Variants in FGF14 observed in about 807,000 individuals in gnomAD.
The protein encoded by FGF14 is fibroblast growth factor homologous factor 4.
Under a neutral mutation model 25.5 loss-of-function variants are expected in FGF14, and 5 were observed. That is an observed-to-expected ratio of 0.20 (90% CI 0.10 to 0.41). The LOEUF is 0.41. Among genes scored for constraint, FGF14 ranks in the 10% least tolerant of loss-of-function variants. The probability of loss-of-function intolerance (pLI) is 1.00; values close to 1 mark genes in which losing one functional copy is unlikely to be tolerated. For missense variants in FGF14, 222 were observed against 320.1 expected (o/e 0.69, Z 2.34); for synonymous variants, 138 against 118.3 (o/e 1.17, Z -1.08).
At chr13:102,151,662 C>T (rs1323970442) in intron 1 of FGF14, among the ~76,000 whole-genome samples, 1 of 151,992 alleles carries the variant, frequency 6.6e-6, no homozygotes, top group Admixed American at 6.6e-5. Context: ...CCATGCCCGG[C>T]TAATTTTTTG....
chr13:101,831,803 T>C (rs1484535002), intron 3 of FGF14, among the ~76,000 whole-genome samples: 1 of 152,036 alleles, frequency 6.6e-6, no homozygotes, highest in Non-Finnish European at 1.5e-5. Context: ...CAAGCTCAAA[T>C]AGGCACAACT....
chr13:102,238,829 C>T (rs987761007), intron 1 of FGF14, among the ~76,000 whole-genome samples: 1 of 152,194 alleles, frequency 6.6e-6, no homozygotes, highest in African/African-American at 2.4e-5. Context: ...TTTTCCCTTA[C>T]CTCTTGCTCA....
At chr13:101,919,584 C>T (rs892785810), upstream of FGF14, among the ~76,000 whole-genome samples, 13 of 151,882 alleles carry the variant, frequency 8.6e-5, no homozygotes, top group African/African-American at 2.9e-4. Context: ...AGAGCCCTCC[C>T]TTCGTTGTTC....
rs2034626560 is a variant in FGF14, at chr13:101,714,520, C to A, written c.*8311G>T. ...AGTTCTGTGACTGTGATGACAGAGA[C>A]TGCGACAAACATGATGGTCTCATTT... On this transcript the variant is annotated 3_prime_UTR_variant, in exon 5 of 5. Coordinates refer to ENST00000376143, the MANE Select transcript of FGF14 (RefSeq NM_004115.4). The A allele has an allele frequency of 1.9e-6, 3 of 1,608,980 alleles. No homozygotes were observed. Among genetic ancestry groups the A allele is most frequent in the Non-Finnish European group, 2.6e-6 (3 of 1,175,378 alleles).
intron 3 of FGF14, among the ~76,000 whole-genome samples, chr13:101,865,940 T>A (rs1356021234): frequency 6.6e-6 from 1 of 152,114 alleles, no homozygotes; most frequent in Non-Finnish European, 1.5e-5. Flanking sequence ...TCCATTAACT[T>A]CTTTCTTTAA....
Position 101,858,947 on chromosome 13 carries a change from C to G in FGF14, c.408+9778G>C, listed in dbSNP as rs929140458. 1.4e-4 allele frequency among the ~76,000 whole-genome samples: 22 copies of G among 152,078 alleles called. 1 individual carries two copies. The highest frequency in any genetic ancestry group is 2.6e-4 in the Admixed American group (4 of 15,228). On this transcript the variant is annotated intron_variant, in intron 3 of 4. Transcript: ENST00000376143. ...TTAAGTTAAAGACGACATTACCACTCACTTCATTAATGCAAATATGGCCAT... is the reference window on the plus strand; with the variant it reads ...TTAAGTTAAAGACGACATTACCACTGACTTCATTAATGCAAATATGGCCAT...
intron 1 of FGF14, among the ~76,000 whole-genome samples, chr13:102,005,703 A>G (rs962027756): frequency 1.3e-5 from 2 of 152,234 alleles, no homozygotes; most frequent in Non-Finnish European, 2.9e-5. Flanking sequence ...TTATAAAACT[A>G]GCTAGTAAAA....
intron 1 of FGF14, among the ~76,000 whole-genome samples, chr13:102,285,425 G>A (rs552057232): frequency 6.6e-6 from 1 of 152,264 alleles, no homozygotes; most frequent in South Asian, 2.1e-4. Flanking sequence ...CTGACAGTTG[G>A]TGGGGTAAAT....
chr13:102,180,918 C>T (rs960149595), intron 1 of FGF14, among the ~76,000 whole-genome samples: 4 of 152,088 alleles, frequency 2.6e-5, no homozygotes. Context: ...TGTATTCCAG[C>T]CCAACTGGGA....
intron 1 of FGF14, among the ~76,000 whole-genome samples, chr13:102,313,413 G>A (rs1395133184): frequency 2.0e-5 from 3 of 152,296 alleles, no homozygotes; most frequent in Admixed American, 2.0e-4. Flanking sequence ...GGAGTTGTTT[G>A]TTGGAGCCAG....
rs562627436 is a variant in FGF14, at chr13:102,384,915, G to A, written c.208+16556C>T. The stretch of plus-strand genomic sequence containing the variant: ...AATAAACAAAAAATAATGCAGGACA[G>A]CACCTACACCAGAGATTTTCACCTT... On this transcript the variant is annotated intron_variant, in intron 1 of 4. Coordinates refer to the FGF14 transcript ENST00000376131. 6.6e-5 allele frequency among the ~76,000 whole-genome samples: 10 copies of A among 152,224 alleles called. No individual in the cohort carries two copies. The East Asian group carries it at 1.9e-3, about 29-fold the overall frequency.
At chr13:101,932,578 C>T (rs567609942) in intron 1 of FGF14, among the ~76,000 whole-genome samples, 13 of 144,948 alleles carry the variant, frequency 9.0e-5, no homozygotes, top group Non-Finnish European at 1.7e-4. Context: ...ACATAAAACT[C>T]GATAATAAAA....
chr13:102,281,965 T>C (rs1037002697), intron 1 of FGF14, among the ~76,000 whole-genome samples: 4 of 152,110 alleles, frequency 2.6e-5, no homozygotes, highest in Non-Finnish European at 4.4e-5. Flanking sequence ...ATGTCCGTAC[T>C]GCAAATGCAG....
In FGF14 at chr13:101,710,934, G is replaced by A. The variant is rs1057105815; in HGVS notation, c.*11897C>T. 6 of 152,200 alleles carry A rather than the reference G, an allele frequency of 3.9e-5. No individual in the cohort carries two copies. Among genetic ancestry groups the A allele is most frequent in the African/African-American group, 1.4e-4 (6 of 41,458 alleles). The allele number at this position is 152,200 out of a possible 1,614,324, so 9.4% of individuals were successfully genotyped here. A position where few individuals can be genotyped will look rare whatever the true frequency, so the allele number is the denominator to read the frequency against. ...CAGATGGAGTAGTTAGTACAATAGT[G>A]AAAACTGCCTGCTGGGATGTCAGGT... On this transcript the variant is annotated 3_prime_UTR_variant, in exon 5 of 5. Coordinates refer to ENST00000376143, the MANE Select transcript of FGF14 (RefSeq NM_004115.4).
chr13:101,916,290 A>G (rs2033475097), intron 1 of FGF14, among the ~76,000 whole-genome samples, 163 bp downstream of exon 1: 1 of 152,218 alleles, frequency 6.6e-6, no homozygotes, highest in Non-Finnish European at 1.5e-5. Context: ...GTTGCCCGAC[A>G]GCGGACTCCA....
chr13:102,288,585 T>A (rs961350793), intron 1 of FGF14, among the ~76,000 whole-genome samples: 2 of 151,934 alleles, frequency 1.3e-5, no homozygotes, highest in East Asian at 3.9e-4. Flanking sequence ...TATTTAAAAT[T>A]TTTTTATTTT....
At chr13:102,139,646 G>C (rs919776096) in intron 1 of FGF14, among the ~76,000 whole-genome samples, 5 of 152,044 alleles carry the variant, frequency 3.3e-5, no homozygotes, top group African/African-American at 1.2e-4. Flanking sequence ...GGAAGGAGAG[G>C]GACTTAGAAT....
At chr13:102,274,259 C>T (rs1308778008) in intron 1 of FGF14, among the ~76,000 whole-genome samples, 1 of 152,198 alleles carries the variant, frequency 6.6e-6, no homozygotes, top group Non-Finnish European at 1.5e-5. Flanking sequence ...AATACAATAA[C>T]ATCACTGAAT....
chr13:101,991,829 T>G (rs566968458), intron 1 of FGF14, among the ~76,000 whole-genome samples: 2 of 152,110 alleles, frequency 1.3e-5, no homozygotes, highest in East Asian at 1.9e-4. Context: ...CACACTTTCT[T>G]AAATTTTACC....
Sources: gnomAD v4.1 joint callset for allele counts (sites outside exome capture counted in the v4.1 genomes callset) on GRCh38, gnomAD v4.1.1 for gene constraint, MANE v1.5 for transcripts, NCBI Gene and HGNC (gene_info 2026-07-23, HGNC 2026-07-21) for gene names.